The following ITFG1 variants were observed in gnomAD, a reference collection of about 807,000 sequenced individuals.
ITFG1 encodes the protein T-cell immunomodulatory protein.
ITFG1 carries 34 observed loss-of-function variants against 81.8 expected under a neutral mutation model. The observed-to-expected ratio is 0.42, with a 90% CI of 0.32 to 0.55. The LOEUF is 0.55. Ranked by LOEUF, ITFG1 falls within the 20% of genes least tolerant of loss-of-function variation. The pLI, the probability that ITFG1 is intolerant of heterozygous loss-of-function variation, is 0.17. For missense variants in ITFG1, 672 were observed against 755.4 expected (o/e 0.89, Z 1.29); for synonymous variants, 285 against 270.6 (o/e 1.05, Z -0.52).
At chr16:47,200,766 T>C (rs368803064) in intron 14 of ITFG1, among the ~76,000 whole-genome samples, 3 of 152,198 alleles carry the variant, frequency 2.0e-5, no homozygotes, top group Non-Finnish European at 4.4e-5. Context: ...TGTGGCCCCA[T>C]AGCAGACCTA....
Position 47,162,653 on chromosome 16 carries a change from T to C in ITFG1, c.1465A>G (p.Ser489Gly), listed in dbSNP as rs1182517932. 3 of 1,600,618 alleles carry C rather than the reference T, an allele frequency of 1.9e-6. No homozygotes were observed. The highest frequency in any genetic ancestry group is 4.5e-5 in the East Asian group (2 of 44,434). ...YLKNGSAGQL[S>G]QSAHLALQLP... ...TGGAGAGCTAAATGTGCGGATTGGC[T>C]GAGTTGGCCAGCTAGAGTTATTCAA... is the stretch of plus-strand genomic sequence containing the variant. The change falls in exon 15 of 18, where the codon AGC (serine) becomes GGC (glycine). Residue 489 changes from serine (S) to glycine (G), a missense_variant. Transcript: ENST00000320640.
chr16:47,226,034 TG>T (rs1230690161), intron 13 of ITFG1, among the ~76,000 whole-genome samples: 1 of 152,180 alleles, frequency 6.6e-6, no homozygotes, highest in Admixed American at 6.5e-5. Context: ...TCATAATGCT[TG>T]AAGATGTAAT....
chr16:47,341,409 A>G (rs949620996), intron 8 of ITFG1, among the ~76,000 whole-genome samples: 3 of 149,328 alleles, frequency 2.0e-5, no homozygotes, highest in African/African-American at 7.3e-5. Context: ...TGAAAAAAAA[A>G]AAAAAAAGAA....
At chr16:47,435,677 CA>C (rs1408510879) in intron 5 of ITFG1, among the ~76,000 whole-genome samples, 1 of 152,198 alleles carries the variant, frequency 6.6e-6, no homozygotes. Flanking sequence ...CAGGTAAAAG[CA>C]GTTACTAGGA....
chr16:47,271,089 C>G (rs890766657), intron 10 of ITFG1, among the ~76,000 whole-genome samples: 4 of 152,130 alleles, frequency 2.6e-5, no homozygotes, highest in African/African-American at 9.7e-5. Flanking sequence ...ATACATGAAA[C>G]TCTCATGATA....
intron 1 of ITFG1, 130 bp from the exon 2 acceptor site, chr16:47,459,305 C>G: frequency 1.6e-6 from 1 of 638,690 alleles, no homozygotes; most frequent in Non-Finnish European, 2.8e-6. Context: ...CATCTGCCCT[C>G]TCAAGCATAG....
chr16:47,245,986 C>A (rs1178557652), intron 12 of ITFG1, among the ~76,000 whole-genome samples: 2 of 152,076 alleles, frequency 1.3e-5, no homozygotes, highest in Non-Finnish European at 2.9e-5. Context: ...CATTATCCTA[C>A]GATGATAGGA....
chr16:47,352,207 T>C (rs761592224), intron 8 of ITFG1, among the ~76,000 whole-genome samples: 2 of 152,096 alleles, frequency 1.3e-5, no homozygotes, highest in Non-Finnish European at 2.9e-5. Context: ...AATTGACAAA[T>C]GGGATGTAAT....
chr16:47,347,758 T>G (rs907581447), intron 8 of ITFG1, among the ~76,000 whole-genome samples: 11 of 152,202 alleles, frequency 7.2e-5, no homozygotes, highest in African/African-American at 2.7e-4. Context: ...CAAGTGGGTC[T>G]CTGACCCCCA....
intron 10 of ITFG1, among the ~76,000 whole-genome samples, chr16:47,305,563 A>T (rs1398865450): frequency 6.6e-6 from 1 of 152,204 alleles, no homozygotes; most frequent in Non-Finnish European, 1.5e-5. Context: ...AATTTACAGG[A>T]GTCACAATTC....
intron 14 of ITFG1, among the ~76,000 whole-genome samples, chr16:47,166,129 C>T (rs930596560): frequency 1.3e-5 from 2 of 152,166 alleles, no homozygotes; most frequent in Non-Finnish European, 1.5e-5. Context: ...CTCTTTAAGT[C>T]TGAGAAGAAG....
chr16:47,242,309 T>A, intron 12 of ITFG1, among the ~76,000 whole-genome samples: 1 of 149,640 alleles, frequency 6.7e-6, no homozygotes, highest in African/African-American at 2.5e-5. Context: ...AGAAGCAATA[T>A]CTGGAAGAGA....
intron 1 of ITFG1, among the ~76,000 whole-genome samples, chr16:47,460,476 G>A (rs888229850): frequency 6.6e-6 from 1 of 152,192 alleles, no homozygotes; most frequent in African/African-American, 2.4e-5. Flanking sequence ...GGCCTTGGGA[G>A]CGAACGTTGA....
chr16:47,377,385 C>T (rs1968340420), intron 6 of ITFG1, among the ~76,000 whole-genome samples: 1 of 152,120 alleles, frequency 6.6e-6, no homozygotes, highest in South Asian at 2.1e-4. Context: ...CTTCCAAAGT[C>T]ATTTGATCTC....
At chr16:47,414,486 A>G (rs762470725) in intron 6 of ITFG1, among the ~76,000 whole-genome samples, 1 of 152,124 alleles carries the variant, frequency 6.6e-6, no homozygotes, top group Non-Finnish European at 1.5e-5. Context: ...AGCTCCCGAC[A>G]CTGCACTCAA....
chr16:47,443,353 A>T (rs1274288189), intron 5 of ITFG1, among the ~76,000 whole-genome samples: 6 of 152,178 alleles, frequency 3.9e-5, no homozygotes, highest in Admixed American at 6.5e-5. Context: ...TTCCTCAGGG[A>T]TCTAGAACTA....
At chr16:47,300,394 G>A (rs1967057401) in intron 10 of ITFG1, among the ~76,000 whole-genome samples, 1 of 152,162 alleles carries the variant, frequency 6.6e-6, no homozygotes, top group Admixed American at 6.5e-5. Flanking sequence ...ACGGTGTGTT[G>A]GAGACCTCTG....
intron 8 of ITFG1, among the ~76,000 whole-genome samples, chr16:47,359,045 G>T (rs1567473358): frequency 1.3e-5 from 2 of 152,240 alleles, no homozygotes; most frequent in Non-Finnish European, 2.9e-5. Flanking sequence ...GTATGGGGGT[G>T]AGTCATGAGG....
At chr16:47,422,639 T>C (rs1968966023) in intron 6 of ITFG1, among the ~76,000 whole-genome samples, 1 of 152,220 alleles carries the variant, frequency 6.6e-6, no homozygotes, top group Admixed American at 6.5e-5. Context: ...CTTTGGTTGG[T>C]AGGCTATTAA....
Sources: gnomAD v4.1 joint callset for allele counts (sites outside exome capture counted in the v4.1 genomes callset) on GRCh38, gnomAD v4.1.1 for gene constraint, MANE v1.5 for transcripts, NCBI Gene and HGNC (gene_info 2026-07-23, HGNC 2026-07-21) for gene names.